FUT8: variants seen among roughly 807,000 people sequenced by gnomAD.
The protein encoded by FUT8 is fucosyltransferase 8, also known as alpha-(1,6)-fucosyltransferase.
In FUT8, 29 loss-of-function variants were observed where a neutral mutation model predicts 71.3. The observed-to-expected ratio is 0.41, with a 90% CI of 0.30 to 0.55. The LOEUF (loss-of-function observed/expected upper bound fraction) is 0.55, where lower values mean the gene tolerates loss of function less well. Ranked by LOEUF, FUT8 falls within the 20% of genes least tolerant of loss-of-function variation. FUT8 has a pLI of 0.34. For synonymous variants in FUT8, 254 were observed against 239.3 expected (o/e 1.06, Z -0.57); for missense variants, 544 against 702.1 (o/e 0.77, Z 2.55).
intron 3 of FUT8, among the ~76,000 whole-genome samples, chr14:65,578,650 A>T: frequency 6.6e-6 from 1 of 152,194 alleles, no homozygotes; most frequent in Middle Eastern, 3.2e-3. Context: ...AGGGAAGCCA[A>T]AAGATTGGAC....
At chr14:65,546,441 T>C (rs1047164973) in intron 2 of FUT8, among the ~76,000 whole-genome samples, 1 of 151,834 alleles carries the variant, frequency 6.6e-6, no homozygotes. Context: ...TTTTTGTCCC[T>C]GGCATTTTTT....
intron 7 of FUT8, among the ~76,000 whole-genome samples, chr14:65,698,401 G>C (rs909792419): frequency 6.6e-6 from 1 of 152,066 alleles, no homozygotes; most frequent in African/African-American, 2.4e-5. Flanking sequence ...GTACTATTTC[G>C]GTAGTATATA....
rs1377235133 is a variant in FUT8, at chr14:65,526,681, G to A, written c.-227-34656G>A. Among the ~76,000 whole-genome samples, 7 of 152,178 alleles carry A rather than the reference G, an allele frequency of 4.6e-5. No homozygotes were observed. In the South Asian group the frequency reaches 1.0e-3, roughly 22 times the overall value. On this transcript the variant is annotated intron_variant, in intron 2 of 10. Coordinates refer to ENST00000673929, the MANE Select transcript of FUT8 (RefSeq NM_001371533.1). Reference sequence around the variant, plus strand: ...ATCGATGGTCTTTACAATTTGGCATGTTTTTGCAGTGGCTGGTACTGGTTA... The same window carrying A: ...ATCGATGGTCTTTACAATTTGGCATATTTTTGCAGTGGCTGGTACTGGTTA...
chr14:65,411,677 A>T (rs2411822), upstream of FUT8: 2 of 227,532 alleles, frequency 8.8e-6, no homozygotes, highest in South Asian at 5.0e-5. Flanking sequence ...TAGAGAAATG[A>T]TTCTTGTCTT....
At chr14:65,671,365 G>A (rs1259069501) in intron 7 of FUT8, among the ~76,000 whole-genome samples, 3 of 152,094 alleles carry the variant, frequency 2.0e-5, no homozygotes, top group African/African-American at 4.8e-5. Flanking sequence ...ATTTAACATG[G>A]CTTGAATTTC....
At chr14:65,595,377 T>C (rs78747318) in intron 3 of FUT8, among the ~76,000 whole-genome samples, 1,825 of 152,246 alleles carry the variant, frequency 0.012, 15 homozygotes, top group South Asian at 0.024. Context: ...ATTTCTTATT[T>C]GAGGTGAAAT....
chr14:65,634,436 C>G (rs912337104), intron 6 of FUT8, among the ~76,000 whole-genome samples: 1 of 152,222 alleles, frequency 6.6e-6, no homozygotes. Flanking sequence ...CGGAAGGCTG[C>G]AGGGTCCTCT....
chr14:65,531,545 T>A (rs544532599), intron 2 of FUT8, among the ~76,000 whole-genome samples: 1 of 152,168 alleles, frequency 6.6e-6, no homozygotes, highest in Non-Finnish European at 1.5e-5. Context: ...GGTTGTAATT[T>A]TAGGTGAGAA....
At chr14:65,412,467 GC>G (rs2139341857), upstream of FUT8, 1 of 401,708 alleles carries the variant, frequency 2.5e-6, no homozygotes, top group East Asian at 7.2e-5. Flanking sequence ...TCAGCCTCCG[GC>G]CTTCAGGCGG....
At chr14:65,431,111 T>C (rs1338176945) in intron 1 of FUT8, among the ~76,000 whole-genome samples, 1 of 149,674 alleles carries the variant, frequency 6.7e-6, no homozygotes, top group Non-Finnish European at 1.5e-5. Context: ...TTCTCCTGCC[T>C]CAGCCTCCGG....
chr14:65,575,587 C>T (rs1185646968), intron 3 of FUT8, among the ~76,000 whole-genome samples: 8 of 129,270 alleles, frequency 6.2e-5, no homozygotes, highest in African/African-American at 2.7e-4. Flanking sequence ...TTCCTTCTTC[C>T]TTCCTTCCTT....
At position 65,472,025 on chromosome 14, in the gene FUT8, C is replaced by A. The variant is rs2066155263; in HGVS notation, c.-228+16307C>A. 6.6e-6 allele frequency among the ~76,000 whole-genome samples: 1 copy of A among 152,098 alleles called. No homozygotes were observed. The highest frequency in any genetic ancestry group is 1.5e-5 in the Non-Finnish European group (1 of 68,020). ...AGGGAAGTTGATCATAGGACTGATT[C>A]TTATTATTGATGAATTGACTGCCTT... On this transcript the variant is annotated intron_variant, in intron 2 of 10. Transcript: ENST00000673929. The surrounding 1 kb of genome is among the most constrained non-coding windows in gnomAD (Gnocchi z 4.4).
chr14:65,622,287 C>CTATA (rs34630726), intron 5 of FUT8, among the ~76,000 whole-genome samples: 18,866 of 152,002 alleles, frequency 0.12, 1,489 homozygotes, highest in East Asian at 0.38. Flanking sequence ...GATATAATTC[C>CTATA]TATAGCACAG....
upstream of FUT8, chr14:65,410,730 G>A (rs761481484): frequency 1.3e-5 from 2 of 151,924 alleles, no homozygotes; most frequent in Non-Finnish European, 2.9e-5. Context: ...ATTATACAGT[G>A]TAAACTATCA....
At position 65,526,049 on chromosome 14, in the gene FUT8, G is replaced by A. The variant is rs548460441; in HGVS notation, c.-227-35288G>A. 3.9e-5 allele frequency among the ~76,000 whole-genome samples: 6 copies of A among 152,158 alleles called. 1 individual carries two copies. The highest frequency in any genetic ancestry group is 3.9e-4 in the Admixed American group (6 of 15,276). On this transcript the variant is annotated intron_variant, in intron 2 of 10. Transcript: ENST00000673929. Reference sequence around the variant, plus strand: ...AGAATGTATATTCTGTTGATTTGGGGTGGGGAGTTCTGTAGATGTCTATTA... The same window carrying A: ...AGAATGTATATTCTGTTGATTTGGGATGGGGAGTTCTGTAGATGTCTATTA...
the FUT8 span, among the ~76,000 whole-genome samples, chr14:65,363,504 G>A: frequency 0.028 from 4,266 of 152,176 alleles, 199 homozygotes; most frequent in African/African-American, 0.098. Context: ...TGATCTGTCC[G>A]CCTCGGTTTT....
rs141624634 is a variant in FUT8, at chr14:65,568,881, T to A, written c.203+7115T>A. On this transcript the variant is annotated intron_variant, in intron 3 of 10. Transcript: ENST00000673929. ...TCCTTCCTGTTATTCAGTTCTTTCA[T>A]GTTGAATCATGTTCTTCAGCCTTAA... Among the ~76,000 whole-genome samples the A allele has an allele frequency of 5.9e-4, 89 of 151,976 alleles. No homozygotes were observed. The East Asian group carries it at 0.016, about 28-fold the overall frequency.
At chr14:65,639,755 G>A (rs527575732) in intron 6 of FUT8, among the ~76,000 whole-genome samples, 1 of 152,178 alleles carries the variant, frequency 6.6e-6, no homozygotes, top group African/African-American at 2.4e-5. Flanking sequence ...TTTATGATCA[G>A]TTTTGTTTCA....
intron 3 of FUT8, among the ~76,000 whole-genome samples, chr14:65,605,106 C>T (rs1470078078): frequency 6.6e-6 from 1 of 151,828 alleles, no homozygotes; most frequent in Non-Finnish European, 1.5e-5. Flanking sequence ...ATATGAATAA[C>T]CACAATTTAC....
Sources: allele counts gnomAD v4.1 joint callset (sites outside exome capture counted in the v4.1 genomes callset), GRCh38; gene constraint gnomAD v4.1.1; non-coding constraint Gnocchi (gnomAD v3.1); transcripts MANE v1.5; gene names NCBI Gene and HGNC (gene_info 2026-07-23, HGNC 2026-07-21).